KCTD18: variants seen among roughly 807,000 people sequenced by gnomAD.
KCTD18 encodes potassium channel tetramerization domain containing 18.
KCTD18 carries 22 observed loss-of-function variants against 30.4 expected under a neutral mutation model. The observed-to-expected ratio is 0.72, with a 90% CI of 0.52 to 1.03. KCTD18 has a LOEUF of 1.03. KCTD18 is among the 50% of genes least tolerant of loss of function. KCTD18 has a pLI of 0.00. For missense variants in KCTD18, 529 were observed against 547.6 expected, an observed-to-expected ratio of 0.97 and a Z score of 0.34; for synonymous variants, 186 against 209.0, an observed-to-expected ratio of 0.89 and a Z score of 0.95.
At chr2:200,497,138 T>C (rs1409029794) in intron 5 of KCTD18, 1 of 152,394 alleles carries the variant, frequency 6.6e-6, no homozygotes, top group Non-Finnish European at 1.5e-5. Context: ...TGCTTAGGCA[T>C]AGAACAGAAC....
rs569631375 is a variant in KCTD18, at chr2:200,490,567, C to G, written c.814G>C (p.Gly272Arg). The stretch of plus-strand genomic sequence containing the variant: ...CCCAAAAATCTAACTGGCTTAGGAC[C>G]AGTCTTATAGTTCACACTTTCGTCC... Reference protein sequence around the residue: ...EADESVNYKTGPKPVRFLGPS... With the variant: ...EADESVNYKTRPKPVRFLGPS... Residue 272 changes from glycine to arginine, a missense_variant, in exon 7 of 7, where the codon GGT (glycine) becomes CGT (arginine). Physicochemically the swap from Gly to Arg is moderately radical, Grantham distance 125. Coordinates refer to ENST00000359878, the MANE Select transcript of KCTD18 (RefSeq NM_152387.4). 1 of 1,600,804 alleles carries G rather than the reference C, an allele frequency of 6.2e-7. No individual in the cohort carries two copies. The highest frequency in any genetic ancestry group is 1.7e-5 in the Admixed American group (1 of 59,992).
At position 200,506,938 on chromosome 2, in the gene KCTD18, G is replaced by A. The variant is rs1243082924; in HGVS notation, c.79C>T (p.Arg27Trp). 3.1e-6 allele frequency: 5 copies of A among 1,613,854 alleles called. No homozygotes were observed. The highest frequency in any genetic ancestry group is 3.3e-5 in the Admixed American group (2 of 59,982). The stretch of plus-strand genomic sequence containing the variant: ...TCCTTGAAGCGGCACAAGGACTCCC[G>A]CCGGGCTGTGTAAATACAGCCACCC... ...NVGGCIYTARRESLCRFKDSM... is the reference protein window; with the variant it reads ...NVGGCIYTARWESLCRFKDSM... The change falls in exon 2 of 7, where the codon CGG becomes TGG. Residue 27 changes from arginine (R) to tryptophan (W), a missense_variant. By Grantham distance (101) the Arg-to-Trp change is moderately radical. Coordinates refer to ENST00000359878, the MANE Select transcript of KCTD18 (RefSeq NM_152387.4).
At chr2:200,497,393 T>G (rs1394031808) in intron 5 of KCTD18, 1 of 172,870 alleles carries the variant, frequency 5.8e-6, no homozygotes, top group Non-Finnish European at 1.2e-5. Flanking sequence ...TAAGGGCTCT[T>G]TAGACATCTT....
chr2:200,505,039 G>A, intron 2 of KCTD18, 80 bp from the exon 3 acceptor site: 1 of 1,021,092 alleles, frequency 9.8e-7, no homozygotes, highest in Admixed American at 2.2e-5. Context: ...TAGGTCTGAG[G>A]ACCTCTACAA....
In KCTD18 at chr2:200,504,972, C is replaced by T; in HGVS notation, c.161-13G>A. 1 of 1,601,688 alleles carries T rather than the reference C, an allele frequency of 6.2e-7. No individual in the cohort carries two copies. Among genetic ancestry groups the T allele is most frequent in the Non-Finnish European group, 8.5e-7 (1 of 1,169,688 alleles). ...ATAACACAAGCCCCTAGAAAACATTCAGTTCAAAAATGATTATAGAGATTC... is the reference window on the plus strand; with the variant it reads ...ATAACACAAGCCCCTAGAAAACATTTAGTTCAAAAATGATTATAGAGATTC... On this transcript the variant is annotated splice_polypyrimidine_tract_variant and intron_variant, in intron 2 of 6. Coordinates refer to ENST00000359878, the MANE Select transcript of KCTD18 (RefSeq NM_152387.4).
intron 3 of KCTD18, among the ~76,000 whole-genome samples, chr2:200,504,458 C>CA (rs761524442): frequency 0.014 from 821 of 58,470 alleles, 9 homozygotes; most frequent in Middle Eastern, 0.043. Flanking sequence ...GACTCTGCCT[C>CA]AAAAAAAAAA....
intron 1 of KCTD18, among the ~76,000 whole-genome samples, chr2:200,508,278 C>T (rs567906643): frequency 2.2e-4 from 33 of 152,134 alleles, no homozygotes; most frequent in Non-Finnish European, 4.3e-4. Flanking sequence ...TTAGTAGAGA[C>T]GGCGTTTCAC....
chr2:200,493,166 G>T lies in KCTD18; in HGVS notation c.764+6C>A. The T allele has an allele frequency of 6.4e-7, 1 of 1,562,634 alleles. No individual in the cohort carries two copies. Among genetic ancestry groups the T allele is most frequent in the Non-Finnish European group, 8.8e-7 (1 of 1,133,138 alleles). ...CAAAACAAATAAACAACACAGCATA[G>T]ATAACCTCTTTCGAATTGGAGCCAT... On this transcript the variant is annotated splice_donor_region_variant and intron_variant, in intron 6 of 6. Coordinates refer to ENST00000359878, the MANE Select transcript of KCTD18 (RefSeq NM_152387.4).
chr2:200,505,591 A>G (rs145481973), intron 2 of KCTD18, among the ~76,000 whole-genome samples: 1 of 152,320 alleles, frequency 6.6e-6, no homozygotes, highest in Non-Finnish European at 1.5e-5. Context: ...TGGTAGAAAC[A>G]GCAGTTTACC....
At position 200,490,310 on chromosome 2, in the gene KCTD18, CGT is replaced by C; in HGVS notation, c.1069_1070del (p.Thr357AlafsTer6). 6.2e-7 allele frequency: 1 copy of C among 1,614,250 alleles called. No individual in the cohort carries two copies. The highest frequency in any genetic ancestry group is 8.5e-7 in the Non-Finnish European group (1 of 1,180,044). The stretch of plus-strand genomic sequence containing the variant: ...GTAGCACCTTAGCTGGAGGTAAGTG[CGT>C]GCCTCCATTTTCAGCGCTCGCAGCC... ...PGAASAENGG[T>X]HLPPAKVLLS... On this transcript the variant is annotated frameshift_variant, in exon 7 of 7. Transcript: ENST00000359878. LOFTEE classifies it low-confidence loss of function (END_TRUNC).
intron 1 of KCTD18, among the ~76,000 whole-genome samples, chr2:200,508,111 T>C (rs2030299690): frequency 6.6e-6 from 1 of 152,172 alleles, no homozygotes; most frequent in Non-Finnish European, 1.5e-5. Flanking sequence ...TGTTTGCTTG[T>C]TTGTTTTTTG....
intron 6 of KCTD18, among the ~76,000 whole-genome samples, 161 bp downstream of exon 6, chr2:200,493,005 CTTTATA>C (rs2087943242): frequency 6.6e-6 from 1 of 152,022 alleles, no homozygotes; most frequent in African/African-American, 2.4e-5. Context: ...GTTTTGGTAA[CTTTATA>C]TTTATCAAGA....
At chr2:200,491,860 A>C (rs979699962) in intron 6 of KCTD18, among the ~76,000 whole-genome samples, 1 of 152,184 alleles carries the variant, frequency 6.6e-6, no homozygotes, top group Non-Finnish European at 1.5e-5. Context: ...TTCAACTCCC[A>C]TTCTTGGAAA....
At chr2:200,498,054 ATC>A (rs200432105) in intron 4 of KCTD18, among the ~76,000 whole-genome samples, 1 of 146,740 alleles carries the variant, frequency 6.8e-6, no homozygotes, top group South Asian at 2.2e-4. Flanking sequence ...CTATATTTTG[ATC>A]TCTTTTTATC....
At chr2:200,506,152 C>T (rs777510603) in intron 2 of KCTD18, among the ~76,000 whole-genome samples, 7 of 152,138 alleles carry the variant, frequency 4.6e-5, no homozygotes, top group Non-Finnish European at 1.0e-4. Flanking sequence ...CAATCATTCT[C>T]CTCTAACACA....
In KCTD18 at chr2:200,489,922, A is replaced by G; in HGVS notation, c.*178T>C. ...TAAAAGTTGGGAAAATGAGAAATGG[A>G]GCCTTAACCATTGAAAGTCTCCCCT... On this transcript the variant is annotated 3_prime_UTR_variant, in exon 7 of 7. Coordinates refer to ENST00000359878, the MANE Select transcript of KCTD18 (RefSeq NM_152387.4). 1.7e-6 allele frequency: 1 copy of G among 598,154 alleles called. No homozygotes were observed. Among genetic ancestry groups the G allele is most frequent in the Non-Finnish European group, 2.7e-6 (1 of 363,772 alleles). 37.1% of individuals were successfully genotyped at this position (598,154 alleles called of 1,614,324 possible).
rs375989786 is a variant in KCTD18 at position 200,509,614 on chromosome 2, A to C, written c.-76+14T>G. On this transcript the variant is annotated intron_variant, in intron 1 of 6. Coordinates refer to ENST00000359878, the MANE Select transcript of KCTD18 (RefSeq NM_152387.4). ...TCGGGGACAATGTCCCCCAGAGTGC[A>C]TTCCTATGATCACCTGCATCAAAAC... 3.6e-4 allele frequency: 55 copies of C among 152,406 alleles called. No individual in the cohort carries two copies. The highest frequency in any genetic ancestry group is 1.3e-3 in the African/African-American group (53 of 41,576). 9.4% of individuals were successfully genotyped at this position (152,406 alleles called of 1,614,324 possible).
At chr2:200,508,422 C>T (rs1280561445) in intron 1 of KCTD18, among the ~76,000 whole-genome samples, 1 of 152,124 alleles carries the variant, frequency 6.6e-6, no homozygotes, top group Non-Finnish European at 1.5e-5. Flanking sequence ...TTTTTTTAAT[C>T]CATTCTGGAG....
intron 3 of KCTD18, among the ~76,000 whole-genome samples, chr2:200,502,479 A>T (rs2029906323): frequency 6.6e-6 from 1 of 152,186 alleles, no homozygotes; most frequent in Admixed American, 6.5e-5. Context: ...TGGACTAACC[A>T]GATTGATTTT....
Sources: allele counts gnomAD v4.1 joint callset (sites outside exome capture counted in the v4.1 genomes callset), GRCh38; gene constraint gnomAD v4.1.1; transcripts MANE v1.5; gene names NCBI Gene and HGNC (gene_info 2026-07-23, HGNC 2026-07-21).